Variants in TEX9 observed in about 807,000 individuals in gnomAD.
TEX9 encodes testis expressed 9.
In TEX9, 74 loss-of-function variants were observed where a neutral mutation model predicts 59.6. The observed-to-expected ratio is 1.24, with a 90% CI of 1.03 to 1.51. The LOEUF (loss-of-function observed/expected upper bound fraction) is 1.51, where lower values mean the gene tolerates loss of function less well. TEX9 is among the 40% of genes most tolerant of loss of function. TEX9 has a pLI of 0.00. For missense variants in TEX9, 522 were observed against 447.8 expected, an observed-to-expected ratio of 1.17 and a Z score of -1.49; for synonymous variants, 186 against 152.2, an observed-to-expected ratio of 1.22 and a Z score of -1.64.
At chr15:56,259,329 T>G (rs1254206547) in intron 1 of TEX9, among the ~76,000 whole-genome samples, 1 of 152,102 alleles carries the variant, frequency 6.6e-6, no homozygotes, top group Admixed American at 6.6e-5. Context: ...CTGAAAATAT[T>G]TACTATCTGT....
intron 1 of TEX9, among the ~76,000 whole-genome samples, chr15:56,304,278 T>A (rs1438970984): frequency 6.6e-6 from 1 of 152,248 alleles, no homozygotes; most frequent in Non-Finnish European, 1.5e-5. Context: ...CTTCCAGTAC[T>A]GTGCTGAATA....
At chr15:56,443,395 CTACAT>C in intron 12 of TEX9, 1 of 1,439,356 alleles carries the variant, frequency 6.9e-7, no homozygotes, top group African/African-American at 1.4e-5. Flanking sequence ...ATATTCTTCT[CTACAT>C]TAATCATTCT....
chr15:56,325,174 C>G (rs1463677092), intron 1 of TEX9, among the ~76,000 whole-genome samples: 1 of 152,138 alleles, frequency 6.6e-6, no homozygotes, highest in East Asian at 1.9e-4. Flanking sequence ...AACACAAATG[C>G]TAATTCTGGA....
At chr15:56,317,074 C>T (rs150191154) in intron 1 of TEX9, among the ~76,000 whole-genome samples, 2,793 of 152,266 alleles carry the variant, frequency 0.018, 83 homozygotes, top group African/African-American at 0.056. Flanking sequence ...GAGATGAACC[C>T]GGTACCTCAG....
intron 12 of TEX9, among the ~76,000 whole-genome samples, chr15:56,435,716 G>A (rs965857569): frequency 5.1e-4 from 78 of 151,890 alleles, no homozygotes; most frequent in African/African-American, 1.7e-3. Flanking sequence ...AGTCAGGATG[G>A]TTTCACTAGA....
At chr15:56,384,865 G>C (rs1373694703) in intron 4 of TEX9, among the ~76,000 whole-genome samples, 3 of 152,132 alleles carry the variant, frequency 2.0e-5, no homozygotes, top group Non-Finnish European at 4.4e-5. Context: ...TCCTGTTAAA[G>C]AGACAAGTTT....
chr15:56,365,740 T>C (rs2046912415), intron 2 of TEX9, 70 bp downstream of exon 2: 2 of 1,591,732 alleles, frequency 1.3e-6, no homozygotes, highest in East Asian at 4.5e-5. Flanking sequence ...AAGTACTTTT[T>C]TCTGGAGACT....
the TEX9 span, among the ~76,000 whole-genome samples, chr15:56,456,884 C>G: frequency 6.6e-6 from 1 of 151,982 alleles, no homozygotes; most frequent in Non-Finnish European, 1.5e-5. Flanking sequence ...TGTCACTTAC[C>G]ATGTAAATAA....
intron 3 of TEX9, among the ~76,000 whole-genome samples, chr15:56,373,825 A>G (rs2047304018): frequency 6.6e-6 from 1 of 152,078 alleles, no homozygotes; most frequent in Non-Finnish European, 1.5e-5. Context: ...TCTACTTTAA[A>G]ACTTTTATCA....
intron 1 of TEX9, among the ~76,000 whole-genome samples, chr15:56,358,956 C>T (rs1204514196): frequency 6.6e-6 from 1 of 152,154 alleles, no homozygotes; most frequent in East Asian, 1.9e-4. Context: ...TTTCCTGAGG[C>T]CTCCCCAGCC....
intron 1 of TEX9, among the ~76,000 whole-genome samples, chr15:56,244,737 A>G (rs1421968668): frequency 6.6e-6 from 1 of 152,018 alleles, no homozygotes; most frequent in Non-Finnish European, 1.5e-5. Flanking sequence ...TACTCACAAC[A>G]TGGAGGCTCA....
At chr15:56,332,565 C>T (rs1224076092) in intron 1 of TEX9, among the ~76,000 whole-genome samples, 2 of 149,870 alleles carry the variant, frequency 1.3e-5, no homozygotes, top group East Asian at 2.0e-4. Flanking sequence ...CTCATGTATA[C>T]ATATGTAACT....
intron 12 of TEX9, chr15:56,430,034 T>A (rs2050531437): frequency 1.3e-5 from 2 of 152,218 alleles, no homozygotes; most frequent in South Asian, 4.1e-4. Context: ...TCAAGTCCTG[T>A]GGCCAGGCAG....
At chr15:56,331,856 A>G (rs2046153032) in intron 1 of TEX9, among the ~76,000 whole-genome samples, 2 of 149,026 alleles carry the variant, frequency 1.3e-5, no homozygotes, top group Admixed American at 6.7e-5. Flanking sequence ...GCAGCCAAAA[A>G]ACACATGAAA....
chr15:56,335,616 T>C (rs1382722261), intron 1 of TEX9, among the ~76,000 whole-genome samples: 4 of 152,168 alleles, frequency 2.6e-5, no homozygotes, highest in African/African-American at 9.7e-5. Flanking sequence ...TAAAAACTAA[T>C]TTAGTTGTAC....
At chr15:56,258,604 T>C (rs1207696853) in intron 1 of TEX9, among the ~76,000 whole-genome samples, 1 of 152,112 alleles carries the variant, frequency 6.6e-6, no homozygotes, top group Non-Finnish European at 1.5e-5. Context: ...TTTTGGTGTT[T>C]AGGAATGCTA....
chr15:56,258,258 C>T (rs1451404614), intron 1 of TEX9, among the ~76,000 whole-genome samples: 1 of 151,836 alleles, frequency 6.6e-6, no homozygotes, highest in Non-Finnish European at 1.5e-5. Context: ...CCTAGTATTG[C>T]CTTAGCTCTT....
At chr15:56,426,923 T>C (rs572953844) in intron 10 of TEX9, among the ~76,000 whole-genome samples, 4 of 151,970 alleles carry the variant, frequency 2.6e-5, no homozygotes, top group Non-Finnish European at 5.9e-5. Context: ...GTAAATTCTC[T>C]GCTTAGCTAA....
chr15:56,348,268 A>C (rs1190300447), intron 1 of TEX9, among the ~76,000 whole-genome samples: 1 of 152,028 alleles, frequency 6.6e-6, no homozygotes, highest in Middle Eastern at 3.2e-3. Flanking sequence ...TATGTCATGG[A>C]AATTTTGTGA....
Sources: gnomAD v4.1 joint callset for allele counts (sites outside exome capture counted in the v4.1 genomes callset) on GRCh38, gnomAD v4.1.1 for gene constraint, MANE v1.5 for transcripts, NCBI Gene and HGNC (gene_info 2026-07-23, HGNC 2026-07-21) for gene names.